HOXD11: variants seen among roughly 807,000 people sequenced by gnomAD.
HOXD11 encodes homeobox protein Hox-D11.
Under a neutral mutation model 23.1 loss-of-function variants are expected in HOXD11, and 16 were observed. The observed-to-expected ratio is 0.69, with a 90% confidence interval of 0.47 to 1.05. The LOEUF (loss-of-function observed/expected upper bound fraction) is 1.05, where lower values mean the gene tolerates loss of function less well. HOXD11 is among the 50% of genes least tolerant of loss of function. The pLI is 0.00. For missense variants in HOXD11, 564 were observed against 495.6 expected (o/e 1.14, Z -1.31); for synonymous variants, 262 against 224.4 (o/e 1.17, Z -1.50).
chr2:176,107,762 G>T lies in HOXD11; in HGVS notation c.407G>T (p.Arg136Leu). The T allele has an allele frequency of 8.1e-7, 1 of 1,240,252 alleles. No homozygotes were observed. The highest frequency in any genetic ancestry group is 3.5e-5 in the East Asian group (1 of 28,502). The allele number at this position is 1,240,252 out of a possible 1,614,324, so 76.8% of individuals were successfully genotyped here. Residue 136 changes from arginine to leucine, a missense_variant, in exon 1 of 2, where the codon CGG becomes CTG. Coordinates refer to ENST00000249504, the MANE Select transcript of HOXD11 (RefSeq NM_021192.3). ...GAGCTTCTCCCGCCCGCGGGCCGCC[G>T]GCCGGACGTGCTCTTCAAGGCGCCT... ...QRELLPPAGR[R>L]PDVLFKAPEP...
downstream of HOXD11, among the ~76,000 whole-genome samples, chr2:176,112,061 G>T (rs897664905): frequency 6.6e-6 from 1 of 152,160 alleles, no homozygotes; most frequent in African/African-American, 2.4e-5. Flanking sequence ...ACTGTGAGTT[G>T]GTGTGCCCAG....
intron 1 of HOXD11, 21 bp from the exon 2 acceptor site, chr2:176,108,886 C>T (rs761116629): frequency 1.6e-4 from 245 of 1,575,868 alleles, no homozygotes; most frequent in Middle Eastern, 1.0e-3. Context: ...TCTCTCACCC[C>T]CTGGTCTCTT....
chr2:176,112,116 G>C (rs1689684295), downstream of HOXD11, among the ~76,000 whole-genome samples: 2 of 152,172 alleles, frequency 1.3e-5, no homozygotes, highest in Non-Finnish European at 2.9e-5. Context: ...AGGCACTCGG[G>C]GGAAACGTTT....
chr2:176,112,760 G>C (rs1689695194), downstream of HOXD11, among the ~76,000 whole-genome samples: 1 of 152,236 alleles, frequency 6.6e-6, no homozygotes. Context: ...CTGGCTGTGC[G>C]GGGGCCCCTT....
At position 176,107,654 on chromosome 2, in the gene HOXD11, C is replaced by CG; in HGVS notation, c.305dup (p.Tyr103LeufsTer43). ...GGCCCCGGCGGGGGCGGCGGCGGCGCGGGGGGCTACGCTCCCTACTACGCG... is the reference window on the plus strand; with the variant it reads ...GGCCCCGGCGGGGGCGGCGGCGGCGCGGGGGGGCTACGCTCCCTACTACGCG... On this transcript the variant is annotated frameshift_variant, in exon 1 of 2. Transcript: ENST00000249504. LOFTEE classifies it high-confidence loss of function. 3.1e-6 allele frequency: 3 copies of CG among 975,212 alleles called. No individual in the cohort carries two copies. The highest frequency in any genetic ancestry group is 3.6e-6 in the Non-Finnish European group (3 of 822,794). 60.4% of individuals were successfully genotyped at this position (975,212 alleles called of 1,614,324 possible). A position where few individuals can be genotyped will look rare whatever the true frequency, so the allele number is the denominator to read the frequency against.
At chr2:176,111,826 C>CAAAAA (rs1176283938), downstream of HOXD11, among the ~76,000 whole-genome samples, 287 of 22,740 alleles carry the variant, frequency 0.013, 54 homozygotes, top group African/African-American at 0.05. Flanking sequence ...CTCCCCCCCG[C>CAAAAA]AAAAAAAAAA....
At position 176,109,144 on chromosome 2, in the gene HOXD11, A is replaced by T. The variant is rs748700829; in HGVS notation, c.*2A>T. 6.3e-7 allele frequency: 1 copy of T among 1,585,402 alleles called. No individual in the cohort carries two copies. Among genetic ancestry groups the T allele is most frequent in the South Asian group, 1.1e-5 (1 of 90,386 alleles). On this transcript the variant is annotated 3_prime_UTR_variant, in exon 2 of 2. Coordinates refer to ENST00000249504, the MANE Select transcript of HOXD11 (RefSeq NM_021192.3). Reference sequence around the variant, plus strand: ...TTCACTGGAAACCCCTTATTTTGAGAGCTCCAGGAAGCGCCCTCACCCCAG... The same window carrying T: ...TTCACTGGAAACCCCTTATTTTGAGTGCTCCAGGAAGCGCCCTCACCCCAG...
In HOXD11 at chr2:176,108,044, C is replaced by T. The variant is rs1266410353; in HGVS notation, c.689C>T (p.Pro230Leu). 5 of 1,491,416 alleles carry T rather than the reference C, an allele frequency of 3.4e-6. No homozygotes were observed. Among genetic ancestry groups the T allele is most frequent in the African/African-American group, 1.5e-5 (1 of 68,938 alleles). 92.4% of individuals were successfully genotyped at this position (1,491,416 alleles called of 1,614,324 possible). ...GGGSPCTKAT[P>L]GSEPKGAAEG... is the part of the protein sequence containing the mutation. ...GGCAGTCCCTGCACCAAGGCGACCC[C>T]TGGCTCGGAGCCCAAGGGGGCAGCA... Residue 230 changes from proline (P) to leucine (L), a missense_variant, in exon 1 of 2, where the codon CCT (proline) becomes CTT (leucine). Pro to Leu is a moderately conservative substitution (Grantham distance 98, BLOSUM62 -3). Transcript: ENST00000249504.
chr2:176,112,165 G>A (rs944678821), downstream of HOXD11, among the ~76,000 whole-genome samples: 5 of 152,184 alleles, frequency 3.3e-5, no homozygotes, highest in Admixed American at 6.5e-5. Context: ...TGTATTTGAA[G>A]CAAACGGGCT....
In HOXD11 at chr2:176,107,832, C is replaced by A. The variant is rs1292272751; in HGVS notation, c.477C>A (p.Gly159=). The change falls in exon 1 of 2, where the codon GGC becomes GGA. Residue 159 remains glycine (G), a synonymous_variant. Coordinates refer to ENST00000249504, the MANE Select transcript of HOXD11 (RefSeq NM_021192.3). ...AAPGPPHGPA[G]AASNFYSAVG... is the part of the protein sequence containing the mutation. The stretch of plus-strand genomic sequence containing the variant: ...CGGGGCCGCCGCACGGCCCCGCGGG[C>A]GCCGCCTCCAACTTCTACAGCGCGG... 7.0e-7 allele frequency: 1 copy of A among 1,429,002 alleles called. No homozygotes were observed. The highest frequency in any genetic ancestry group is 2.7e-5 in the Admixed American group (1 of 37,702). The allele number at this position is 1,429,002 out of a possible 1,614,324, so 88.5% of individuals were successfully genotyped here.
At chr2:176,108,669 GT>G in intron 1 of HOXD11, 1 of 543,840 alleles carries the variant, frequency 1.8e-6, no homozygotes, top group Non-Finnish European at 3.2e-6. Context: ...CTGTGTGTGT[GT>G]GTGTGTGTGT....
At chr2:176,112,353 C>T (rs1689689098), downstream of HOXD11, among the ~76,000 whole-genome samples, 1 of 152,316 alleles carries the variant, frequency 6.6e-6, no homozygotes, top group South Asian at 2.1e-4. Context: ...AGACAGGGCT[C>T]CCCGACATTG....
chr2:176,108,963 G>C lies in HOXD11; in HGVS notation c.838G>C (p.Glu280Gln). The change falls in exon 2 of 2, where the codon GAA becomes CAA. Residue 280 changes from glutamate (E) to glutamine (Q), a missense_variant. Coordinates refer to ENST00000249504, the MANE Select transcript of HOXD11 (RefSeq NM_021192.3). ...RCPYTKYQIR[E>Q]LEREFFFNVY... is the part of the protein sequence containing the mutation. ...TCCCTATACCAAGTACCAGATCCGC[G>C]AACTGGAACGCGAGTTTTTCTTTAA... 6.2e-7 allele frequency: 1 copy of C among 1,614,150 alleles called. No homozygotes were observed. Among genetic ancestry groups the C allele is most frequent in the Non-Finnish European group, 8.5e-7 (1 of 1,180,030 alleles).
chr2:176,114,030 G>C (rs978792946), downstream of HOXD11, among the ~76,000 whole-genome samples: 3 of 152,182 alleles, frequency 2.0e-5, no homozygotes, highest in Admixed American at 6.5e-5. Context: ...TAAAATTCCC[G>C]ATTAGATTAA....
chr2:176,113,252 G>T (rs1291491342), downstream of HOXD11, among the ~76,000 whole-genome samples: 1 of 152,168 alleles, frequency 6.6e-6, no homozygotes, highest in Non-Finnish European at 1.5e-5. Context: ...AATCCGGGGT[G>T]ACCCTAAGAG....
chr2:176,108,353 T>C (rs1689618523), intron 1 of HOXD11, among the ~76,000 whole-genome samples: 1 of 151,766 alleles, frequency 6.6e-6, no homozygotes. Flanking sequence ...AGGACATTAA[T>C]AGCTGTCGAG....
rs1210389231 is a variant in HOXD11, at chr2:176,107,724, G to A, written c.369G>A (p.Ala123=). Residue 123 remains alanine, a synonymous_variant, in exon 1 of 2, where the codon GCG becomes GCA. Transcript: ENST00000249504. ...AAAAAAAAEE[A]AMQRELLPPA... The stretch of plus-strand genomic sequence containing the variant: ...CGGCGGCCGCGGCGGCCGAGGAGGC[G>A]GCCATGCAACGCGAGCTTCTCCCGC... 5 of 1,151,344 alleles carry A rather than the reference G, an allele frequency of 4.3e-6. No homozygotes were observed. Among genetic ancestry groups the A allele is most frequent in the Non-Finnish European group, 5.3e-6 (5 of 939,726 alleles). 71.3% of individuals were successfully genotyped at this position (1,151,344 alleles called of 1,614,324 possible). A position where few individuals can be genotyped will look rare whatever the true frequency, so the allele number is the denominator to read the frequency against.
Position 176,108,139 on chromosome 2 carries a change from A to G in HOXD11, c.781+3A>G. 1 of 1,000,124 alleles carries G rather than the reference A, an allele frequency of 1.0e-6. No individual in the cohort carries two copies. Among genetic ancestry groups the G allele is most frequent in the Non-Finnish European group, 1.2e-6 (1 of 841,734 alleles). 62.0% of individuals were successfully genotyped at this position (1,000,124 alleles called of 1,614,324 possible). A position where few individuals can be genotyped will look rare whatever the true frequency, so the allele number is the denominator to read the frequency against. On this transcript the variant is annotated splice_donor_region_variant and intron_variant, in intron 1 of 1. Transcript: ENST00000249504. ...GGCCGAGAAGAGCAGCAGCGCAGGT[A>G]GGCACCGGGTACTGGGCAAGCGGTG...
downstream of HOXD11, among the ~76,000 whole-genome samples, chr2:176,113,045 C>T (rs556227244): frequency 6.6e-6 from 1 of 152,218 alleles, no homozygotes; most frequent in African/African-American, 2.4e-5. Flanking sequence ...CTCCGGCCGC[C>T]GGCCCTTGTT....
Sources: allele counts gnomAD v4.1 joint callset (sites outside exome capture counted in the v4.1 genomes callset), GRCh38; gene constraint gnomAD v4.1.1; transcripts MANE v1.5; gene names NCBI Gene and HGNC (gene_info 2026-07-23, HGNC 2026-07-21).